Variants in PRDM16 observed in about 807,000 individuals in gnomAD.
The protein encoded by PRDM16 is PR/SET domain 16.
Under a neutral mutation model 110.6 loss-of-function variants are expected in PRDM16, and 23 were observed. That is an observed-to-expected ratio of 0.21 (90% confidence interval 0.15 to 0.29). The LOEUF (loss-of-function observed/expected upper bound fraction) is 0.29. Ranked by LOEUF, PRDM16 falls within the 10% of genes least tolerant of loss-of-function variation. The pLI, the probability that PRDM16 is intolerant of heterozygous loss-of-function variation, is 1.00. For missense variants in PRDM16, 1,615 were observed against 1,794.3 expected (o/e 0.90, Z 1.81); for synonymous variants, 799 against 781.8 (o/e 1.02, Z -0.37).
At chr1:3,228,307 C>T (rs1317994618) in intron 2 of PRDM16, among the ~76,000 whole-genome samples, 1 of 152,214 alleles carries the variant, frequency 6.6e-6, no homozygotes, top group Non-Finnish European at 1.5e-5. Context: ...CGTTTTCTGC[C>T]TGAACGTGCA....
In PRDM16 at chr1:3,094,561, C is replaced by T. The variant is rs927648465; in HGVS notation, c.37+25265C>T. Among the ~76,000 whole-genome samples, 4 of 152,168 alleles carry T rather than the reference C, an allele frequency of 2.6e-5. No homozygotes were observed. The South Asian group carries it at 6.2e-4, about 24-fold the overall frequency. On this transcript the variant is annotated intron_variant, in intron 1 of 16. Coordinates refer to ENST00000270722, the MANE Select transcript of PRDM16 (RefSeq NM_022114.4). Reference sequence around the variant, plus strand: ...CCCCCAGCAGGTTCAGAGCCAGGGCCGGGACGCTATAAAGCTTGGCCGTCA... The same window carrying T: ...CCCCCAGCAGGTTCAGAGCCAGGGCTGGGACGCTATAAAGCTTGGCCGTCA...
In PRDM16 at chr1:3,349,378, G is replaced by A. The variant is rs770225825; in HGVS notation, c.439-35774G>A. Among the ~76,000 whole-genome samples, 6 of 152,298 alleles carry A rather than the reference G, an allele frequency of 3.9e-5. No individual in the cohort carries two copies. In the South Asian group the frequency reaches 6.2e-4, roughly 16 times the overall value. On this transcript the variant is annotated intron_variant, in intron 3 of 16. Coordinates refer to ENST00000270722, the MANE Select transcript of PRDM16 (RefSeq NM_022114.4). ...TGGCACCGTGCTTAATGAGGTCATCGCCGAAGCTGCTGCCCCGATAACCTG... is the reference window on the plus strand; with the variant it reads ...TGGCACCGTGCTTAATGAGGTCATCACCGAAGCTGCTGCCCCGATAACCTG...
At position 3,181,714 on chromosome 1, in the gene PRDM16, ACG is replaced by A. The variant is rs1491055267; in HGVS notation, c.38-4409_38-4408del. ...CACGGTCTTACACACGGTCTTACAC[ACG>A]CAGTCTTACACACGGTCTTACACAC... On this transcript the variant is annotated intron_variant, in intron 1 of 16. Transcript: ENST00000270722. Among the ~76,000 whole-genome samples, 11 of 121,872 alleles carry A rather than the reference ACG, an allele frequency of 9.0e-5. 1 individual carries two copies. Among genetic ancestry groups the A allele is most frequent in the East Asian group, 6.7e-4 (2 of 2,996 alleles). 80.0% of individuals were successfully genotyped at this position (121,872 alleles called of 152,430 possible). A position where few individuals can be genotyped will look rare whatever the true frequency, so the allele number is the denominator to read the frequency against.
intron 1 of PRDM16, among the ~76,000 whole-genome samples, chr1:3,171,169 G>C (rs1268607365): frequency 6.6e-6 from 1 of 152,250 alleles, no homozygotes; most frequent in Admixed American, 6.5e-5. Context: ...TTTACTTGCG[G>C]CGTGACTTGC....
At chr1:3,098,264 C>G (rs552137397) in intron 1 of PRDM16, among the ~76,000 whole-genome samples, 1 of 152,174 alleles carries the variant, frequency 6.6e-6, no homozygotes, top group African/African-American at 2.4e-5. Context: ...CGGGCTGCAC[C>G]CTGCACCAGC....
In PRDM16 at chr1:3,353,012, G is replaced by A. The variant is rs918943009; in HGVS notation, c.439-32140G>A. On this transcript the variant is annotated intron_variant, in intron 3 of 16. Coordinates refer to ENST00000270722, the MANE Select transcript of PRDM16 (RefSeq NM_022114.4). This position sits in a 1 kb window ranked among gnomAD's most constrained non-coding sequence, Gnocchi z 5.4. ...AGGCAGAGGGCTTCCCGGTTGGGCTGAGGGCTGTTTCAGAGCAGTGCCCTG... is the reference window on the plus strand; with the variant it reads ...AGGCAGAGGGCTTCCCGGTTGGGCTAAGGGCTGTTTCAGAGCAGTGCCCTG... Among the ~76,000 whole-genome samples, 1 of 152,244 alleles carries A rather than the reference G, an allele frequency of 6.6e-6. No individual in the cohort carries two copies. The highest frequency in any genetic ancestry group is 2.4e-5 in the African/African-American group (1 of 41,468).
intron 2 of PRDM16, among the ~76,000 whole-genome samples, chr1:3,199,575 G>A (rs1437303709): frequency 6.6e-6 from 1 of 152,166 alleles, no homozygotes; most frequent in Non-Finnish European, 1.5e-5. Context: ...TTTCTAGAAG[G>A]TTCCAGTTGC....
chr1:3,406,580 A>T (rs1331718632), intron 8 of PRDM16, among the ~76,000 whole-genome samples: 15 of 147,372 alleles, frequency 1.0e-4, no homozygotes, highest in South Asian at 6.3e-4. Flanking sequence ...AAAAAAAAAA[A>T]TTTTTTTTTT....
At chr1:3,176,608 T>C (rs546920014) in intron 1 of PRDM16, among the ~76,000 whole-genome samples, 3 of 144,698 alleles carry the variant, frequency 2.1e-5, no homozygotes, top group Non-Finnish European at 3.0e-5. Context: ...CCATCCATCA[T>C]CCATTCATCT....
At chr1:3,187,394 G>A (rs1210439152) in intron 2 of PRDM16, among the ~76,000 whole-genome samples, 2 of 152,196 alleles carry the variant, frequency 1.3e-5, no homozygotes, top group Middle Eastern at 6.3e-3. Context: ...GCTCCTCATG[G>A]GCAAATGGCC....
chr1:3,348,030 G>A (rs959908072), intron 3 of PRDM16, among the ~76,000 whole-genome samples: 5 of 152,162 alleles, frequency 3.3e-5, no homozygotes, highest in African/African-American at 4.8e-5. Flanking sequence ...GGCTAGAACC[G>A]AACTTCTGGT....
intron 3 of PRDM16, among the ~76,000 whole-genome samples, chr1:3,356,134 C>G (rs563231517): frequency 6.6e-6 from 1 of 152,220 alleles, no homozygotes; most frequent in Non-Finnish European, 1.5e-5. Context: ...CCCACGAGGG[C>G]GTTAGCAGAA....
rs1557583226 is a variant in PRDM16, at chr1:3,287,565, CGGG to C, written c.438+43429_438+43431del. On this transcript the variant is annotated intron_variant, in intron 3 of 16. Coordinates refer to ENST00000270722, the MANE Select transcript of PRDM16 (RefSeq NM_022114.4). The stretch of plus-strand genomic sequence containing the variant: ...GGGGCTGGAGCCGCCCCCTGCCACG[CGGG>C]CATCCAGGATTGCATTTACCGGGGC... 6.3e-4 allele frequency among the ~76,000 whole-genome samples: 26 copies of C among 41,136 alleles called. 5 individuals carry two copies. Among genetic ancestry groups the C allele is most frequent in the African/African-American group, 4.3e-3 (24 of 5,536 alleles). 27.0% of individuals were successfully genotyped at this position (41,136 alleles called of 152,430 possible).
chr1:3,262,286 A>G (rs2455104), intron 3 of PRDM16, among the ~76,000 whole-genome samples: 31,272 of 152,202 alleles, frequency 0.21, 4,197 homozygotes, highest in African/African-American at 0.35. Context: ...CTGAAGACCA[A>G]GGGCTCCCTC....
chr1:3,241,190 C>T (rs1455572309), intron 2 of PRDM16, among the ~76,000 whole-genome samples: 1 of 152,270 alleles, frequency 6.6e-6, no homozygotes, highest in Non-Finnish European at 1.5e-5. Context: ...GCAGGCGGTT[C>T]CGCAACGCGG....
intron 3 of PRDM16, among the ~76,000 whole-genome samples, chr1:3,285,039 C>T (rs931511950): frequency 1.3e-5 from 2 of 152,204 alleles, no homozygotes; most frequent in Non-Finnish European, 2.9e-5. Context: ...GAACGCTTCA[C>T]CTGGTGCCCT....
intron 1 of PRDM16, among the ~76,000 whole-genome samples, chr1:3,178,927 A>G (rs12750165): frequency 0.052 from 7,896 of 152,220 alleles, 227 homozygotes; most frequent in Admixed American, 0.072. Context: ...GGGTCCACCC[A>G]ACCTCTAAAA....
At chr1:3,284,034 G>A (rs1316538097) in intron 3 of PRDM16, among the ~76,000 whole-genome samples, 1 of 152,206 alleles carries the variant, frequency 6.6e-6, no homozygotes, top group Non-Finnish European at 1.5e-5. Flanking sequence ...CCATCCTAGG[G>A]TAGCGGGCCT....
chr1:3,112,226 C>T (rs1397898500), intron 1 of PRDM16, among the ~76,000 whole-genome samples: 1 of 152,158 alleles, frequency 6.6e-6, no homozygotes, highest in African/African-American at 2.4e-5. Context: ...AAACGGACCT[C>T]GGAGGAGCCT....
Sources: allele counts gnomAD v4.1 joint callset (sites outside exome capture counted in the v4.1 genomes callset), GRCh38; gene constraint gnomAD v4.1.1; non-coding constraint Gnocchi (gnomAD v3.1); transcripts MANE v1.5; gene names NCBI Gene and HGNC (gene_info 2026-07-23, HGNC 2026-07-21).